PDS5A: variants seen among roughly 807,000 people sequenced by gnomAD.
PDS5A encodes the protein PDS5 cohesin associated factor A.
Under a neutral mutation model 167.1 loss-of-function variants are expected in PDS5A, and 42 were observed. The observed-to-expected ratio is 0.25, with a 90% CI of 0.20 to 0.33. PDS5A has a LOEUF of 0.33. PDS5A is among the 10% of genes least tolerant of loss of function. PDS5A has a pLI of 1.00. For synonymous variants in PDS5A, 553 were observed against 554.6 expected (o/e 1.00, Z 0.04); for missense variants, 1,033 against 1,605.9 (o/e 0.64, Z 6.10).
intron 8 of PDS5A, among the ~76,000 whole-genome samples, chr4:39,914,867 T>C (rs1179547231): frequency 6.6e-6 from 1 of 152,122 alleles, no homozygotes; most frequent in African/African-American, 2.4e-5. Context: ...CAAAATAGTT[T>C]TGGAAAAGAG....
intron 6 of PDS5A, among the ~76,000 whole-genome samples, chr4:39,922,073 C>A (rs78180537): frequency 0.039 from 5,923 of 152,116 alleles, 168 homozygotes; most frequent in Non-Finnish European, 0.064. Context: ...AGTGGTGGAG[C>A]CTGAGGGCAG....
At chr4:39,903,790 A>T (rs936559792) in intron 12 of PDS5A, among the ~76,000 whole-genome samples, 2 of 152,204 alleles carry the variant, frequency 1.3e-5, no homozygotes, top group Non-Finnish European at 2.9e-5. Flanking sequence ...CTCTAACTCC[A>T]AAGTTCATGC....
At chr4:39,939,713 C>T (rs1051460816) in intron 2 of PDS5A, among the ~76,000 whole-genome samples, 1 of 152,120 alleles carries the variant, frequency 6.6e-6, no homozygotes, top group African/African-American at 2.4e-5. Flanking sequence ...AGGAGAATCA[C>T]TTGAACCCAG....
chr4:39,879,407 T>G (rs1396658177), intron 18 of PDS5A, among the ~76,000 whole-genome samples: 1 of 152,084 alleles, frequency 6.6e-6, no homozygotes, highest in Non-Finnish European at 1.5e-5. Flanking sequence ...TCCTCTAGAT[T>G]TAGTCACATA....
At chr4:39,865,457 G>A (rs567372741) in intron 23 of PDS5A, among the ~76,000 whole-genome samples, 2 of 152,312 alleles carry the variant, frequency 1.3e-5, no homozygotes, top group African/African-American at 2.4e-5. Context: ...AGGAGGCTGA[G>A]GCAGGAGGAT....
chr4:39,880,855 C>T (rs1720869452), intron 17 of PDS5A, among the ~76,000 whole-genome samples: 1 of 152,114 alleles, frequency 6.6e-6, no homozygotes, highest in African/African-American at 2.4e-5. Context: ...TAACTATAGT[C>T]ATCCTACTGT....
chr4:39,910,423 T>C lies in PDS5A; in HGVS notation c.993-85A>G, dbSNP rs908024393. The C allele has an allele frequency of 2.2e-5, 15 of 692,356 alleles. No individual in the cohort carries two copies. In the South Asian group the frequency reaches 2.4e-4, roughly 11 times the overall value. The allele number at this position is 692,356 out of a possible 1,614,324, so 42.9% of individuals were successfully genotyped here. On this transcript the variant is annotated intron_variant, in intron 9 of 32. Transcript: ENST00000303538. ...GGTATATCTAACATGAAAATACTTA[T>C]ACGCAACAATAGTTACTGATTAGAA... is the stretch of plus-strand genomic sequence containing the variant.
chr4:39,893,446 A>C (rs975477234), intron 16 of PDS5A, among the ~76,000 whole-genome samples: 1 of 152,206 alleles, frequency 6.6e-6, no homozygotes, highest in Admixed American at 6.5e-5. Context: ...TATGCCTACT[A>C]ACTCTCGTAT....
At chr4:39,931,909 T>A (rs1020631383) in intron 2 of PDS5A, among the ~76,000 whole-genome samples, 3 of 150,644 alleles carry the variant, frequency 2.0e-5, no homozygotes, top group Non-Finnish European at 3.0e-5. Context: ...TTTTTTTTTT[T>A]AAGACAGAGT....
At chr4:39,967,609 T>C (rs757450070) in intron 2 of PDS5A, among the ~76,000 whole-genome samples, 3 of 151,858 alleles carry the variant, frequency 2.0e-5, no homozygotes, top group Non-Finnish European at 4.4e-5. Context: ...ATCGCGCCAC[T>C]GCACTCCAGC....
chr4:39,842,540 TG>T (rs1482146816), intron 30 of PDS5A, among the ~76,000 whole-genome samples: 1 of 152,200 alleles, frequency 6.6e-6, no homozygotes, highest in Non-Finnish European at 1.5e-5. Context: ...GCTTCATTTT[TG>T]CTAAAAGTGG....
intron 32 of PDS5A, among the ~76,000 whole-genome samples, chr4:39,826,334 G>C (rs1715310788): frequency 6.6e-6 from 1 of 151,894 alleles, no homozygotes; most frequent in South Asian, 2.1e-4. Context: ...GATGAGATTA[G>C]GGAAAAGGAA....
At chr4:39,835,895 G>C (rs1716337563) in intron 32 of PDS5A, among the ~76,000 whole-genome samples, 1 of 152,166 alleles carries the variant, frequency 6.6e-6, no homozygotes, top group Non-Finnish European at 1.5e-5. Context: ...AGGTGGCTTA[G>C]GTAGCCTGTG....
Position 39,917,174 on chromosome 4 carries a change from G to T in PDS5A, c.750C>A (p.Val250=). Residue 250 remains valine, a synonymous_variant, in exon 8 of 33, where the codon GTC becomes GTA. Transcript: ENST00000303538. ...EACIANFFNQ[V]LVLGRSSVSD... ...TTACTGATGATCTTCCCAGCACCAGGACTTGATTGAAAAACTGTAAGAGAT... is the reference window on the plus strand; with the variant it reads ...TTACTGATGATCTTCCCAGCACCAGTACTTGATTGAAAAACTGTAAGAGAT... The T allele has an allele frequency of 1.3e-6, 2 of 1,550,636 alleles. No individual in the cohort carries two copies. The highest frequency in any genetic ancestry group is 2.2e-5 in the Admixed American group (1 of 45,112).
chr4:39,877,051 T>A lies in PDS5A; in HGVS notation c.2095A>T (p.Ile699Phe), dbSNP rs909250421. ...TGACCTGTATTTCTAAAAATTTGAA[T>A]AGCAGCTTCTGCTACCTTGTCATCC... ...MEDDKVAEAA[I>F]QIFRNTGHKI... The change falls in exon 19 of 33, where the codon ATT (isoleucine) becomes TTT (phenylalanine). Residue 699 changes from isoleucine (I) to phenylalanine (F), a missense_variant. Transcript: ENST00000303538. The A allele has an allele frequency of 6.2e-7, 1 of 1,611,734 alleles. No homozygotes were observed. Among genetic ancestry groups the A allele is most frequent in the Non-Finnish European group, 8.5e-7 (1 of 1,178,092 alleles).
chr4:39,957,525 C>T (rs543095919), intron 2 of PDS5A, among the ~76,000 whole-genome samples: 70 of 152,200 alleles, frequency 4.6e-4, no homozygotes, highest in Admixed American at 4.1e-3. Context: ...GGCACAGTGG[C>T]CTGTAATCCT....
chr4:39,928,825 T>TTA (rs1553903564), intron 2 of PDS5A, among the ~76,000 whole-genome samples: 3 of 139,378 alleles, frequency 2.2e-5, no homozygotes, highest in East Asian at 4.1e-4. Flanking sequence ...ACACTGTCTT[T>TTA]AAAAAAAAAA....
At chr4:39,951,577 C>T (rs914896547) in intron 2 of PDS5A, among the ~76,000 whole-genome samples, 9 of 149,774 alleles carry the variant, frequency 6.0e-5, no homozygotes, top group Non-Finnish European at 3.0e-5. Context: ...AGAAGAACAT[C>T]TCAGCAACAA....
At chr4:39,900,916 T>C (rs968456058) in intron 13 of PDS5A, among the ~76,000 whole-genome samples, 3 of 152,168 alleles carry the variant, frequency 2.0e-5, no homozygotes, top group Non-Finnish European at 4.4e-5. Flanking sequence ...GATCAAATCA[T>C]GAAGGCCTTA....
Sources: gnomAD v4.1 joint callset for allele counts (sites outside exome capture counted in the v4.1 genomes callset) on GRCh38, gnomAD v4.1.1 for gene constraint, MANE v1.5 for transcripts, NCBI Gene and HGNC (gene_info 2026-07-23, HGNC 2026-07-21) for gene names.